The following TXNDC15 variants were observed in gnomAD, a reference collection of about 807,000 sequenced individuals.
TXNDC15 encodes the protein thioredoxin domain-containing protein 15.
A neutral mutation model predicts 35.0 loss-of-function variants in TXNDC15; 24 were observed. That is an observed-to-expected ratio of 0.68 (90% confidence interval 0.50 to 0.96). The LOEUF (loss-of-function observed/expected upper bound fraction) is 0.96, where lower values mean the gene tolerates loss of function less well. Ranked by LOEUF, TXNDC15 falls within the 40% of genes least tolerant of loss-of-function variation. TXNDC15 has a pLI of 0.00. For synonymous variants in TXNDC15, 169 were observed against 174.0 expected, an observed-to-expected ratio of 0.97 and a Z score of 0.23; for missense variants, 385 against 453.3, an observed-to-expected ratio of 0.85 and a Z score of 1.37.
At chr5:134,880,595 C>G (rs549958208) in intron 1 of TXNDC15, among the ~76,000 whole-genome samples, 6 of 151,936 alleles carry the variant, frequency 3.9e-5, no homozygotes, top group Non-Finnish European at 7.4e-5. Flanking sequence ...CGCTACCATG[C>G]CAGGCTAATT....
chr5:134,896,651 CTTTT>C (rs11438328), intron 4 of TXNDC15, among the ~76,000 whole-genome samples: 1 of 134,404 alleles, frequency 7.4e-6, no homozygotes, highest in Non-Finnish European at 1.6e-5. Flanking sequence ...TTTTTTTTCC[CTTTT>C]TTTTTTTTTT....
In TXNDC15 at chr5:134,887,971, G is replaced by A. The variant is rs1009012367; in HGVS notation, c.380G>A (p.Arg127Gln). The A allele has an allele frequency of 7.4e-6, 12 of 1,614,102 alleles. No individual in the cohort carries two copies. The highest frequency in any genetic ancestry group is 1.7e-5 in the Admixed American group (1 of 60,000). ...GCGGAGGACTCAAGGTGCAACGTCC[G>A]AGAGAGCCTTTTCTCTCTGGATGGC... ...GGAEDSRCNV[R>Q]ESLFSLDGAG... Residue 127 changes from arginine (R) to glutamine (Q), a missense_variant, in exon 2 of 5, where the codon CGA (arginine) becomes CAA (glutamine). Coordinates refer to ENST00000358387, the MANE Select transcript of TXNDC15 (RefSeq NM_024715.4).
intron 1 of TXNDC15, among the ~76,000 whole-genome samples, chr5:134,881,341 G>A (rs1368339479): frequency 9.0e-6 from 1 of 110,794 alleles, no homozygotes; most frequent in Non-Finnish European, 1.8e-5. Context: ...GCGGCCTTCC[G>A]CAGTGTTTGT....
Position 134,894,809 on chromosome 5 carries a change from G to T in TXNDC15, c.755+1154G>T, listed in dbSNP as rs187781435. 2.6e-5 allele frequency among the ~76,000 whole-genome samples: 4 copies of T among 152,240 alleles called. No individual in the cohort carries two copies. The South Asian group carries it at 8.3e-4, about 32-fold the overall frequency. The stretch of plus-strand genomic sequence containing the variant: ...AGGTCAGCCTCAACAAGGAGGTTGT[G>T]TGTAAATAAATCTAGAACATCTGAA... On this transcript the variant is annotated intron_variant, in intron 3 of 4. Transcript: ENST00000358387.
chr5:134,887,643 G>A (rs553370964), intron 1 of TXNDC15, 52 bp from the exon 2 acceptor site: 2 of 1,517,376 alleles, frequency 1.3e-6, no homozygotes, highest in South Asian at 1.3e-5. Flanking sequence ...ATTCTTTGGG[G>A]TTCATTTGTT....
chr5:134,897,357 C>G (rs180735060), intron 4 of TXNDC15, among the ~76,000 whole-genome samples: 1 of 152,234 alleles, frequency 6.6e-6, no homozygotes, highest in East Asian at 1.9e-4. Context: ...AAACGATTCT[C>G]CTGCCTCAGC....
intron 1 of TXNDC15, among the ~76,000 whole-genome samples, chr5:134,881,466 T>C (rs2150184730): frequency 1.1e-5 from 1 of 87,878 alleles, no homozygotes; most frequent in East Asian, 2.8e-4. Flanking sequence ...TAACCCTGAG[T>C]GGACACAGCA....
chr5:134,893,376 C>A, intron 2 of TXNDC15, 116 bp from the exon 3 acceptor site: 1 of 1,275,100 alleles, frequency 7.8e-7, no homozygotes, highest in Non-Finnish European at 1.1e-6. Context: ...CCTTCTCTCG[C>A]TGCTCCTACC....
At chr5:134,884,810 C>T (rs1335105647) in intron 1 of TXNDC15, among the ~76,000 whole-genome samples, 1 of 152,068 alleles carries the variant, frequency 6.6e-6, no homozygotes, top group Non-Finnish European at 1.5e-5. Flanking sequence ...TGATTATTCT[C>T]ATTATGTGTC....
intron 2 of TXNDC15, 71 bp downstream of exon 2, chr5:134,888,253 T>A: frequency 7.2e-7 from 1 of 1,391,634 alleles, no homozygotes; most frequent in Non-Finnish European, 9.8e-7. Flanking sequence ...CCTATCAACT[T>A]TGAAATGGAA....
At position 134,900,286 on chromosome 5, in the gene TXNDC15, G is replaced by A. The variant is rs1465216714; in HGVS notation, c.*601G>A. 6.6e-6 allele frequency: 1 copy of A among 152,282 alleles called. No homozygotes were observed. The highest frequency in any genetic ancestry group is 1.5e-5 in the Non-Finnish European group (1 of 68,100). 9.4% of individuals were successfully genotyped at this position (152,282 alleles called of 1,614,324 possible). ...AGGGAGATGTTAGGAGAAAGGAAAT[G>A]CTGTAACTAAAGCTCAATTATTATC... On this transcript the variant is annotated 3_prime_UTR_variant, in exon 5 of 5. Coordinates refer to ENST00000358387, the MANE Select transcript of TXNDC15 (RefSeq NM_024715.4).
At chr5:134,886,881 G>C (rs1465428944) in intron 1 of TXNDC15, among the ~76,000 whole-genome samples, 1 of 152,220 alleles carries the variant, frequency 6.6e-6, no homozygotes. Context: ...GAGCCTCTCT[G>C]TGCCTTGCCT....
chr5:134,891,016 C>G (rs893662952), intron 2 of TXNDC15, among the ~76,000 whole-genome samples: 1 of 152,244 alleles, frequency 6.6e-6, no homozygotes, highest in African/African-American at 2.4e-5. Context: ...TCAGTCCTAT[C>G]TTCAGACTCC....
At chr5:134,895,097 C>T (rs1750464374) in intron 3 of TXNDC15, among the ~76,000 whole-genome samples, 1 of 151,924 alleles carries the variant, frequency 6.6e-6, no homozygotes, top group Non-Finnish European at 1.5e-5. Context: ...GGAAGATTGC[C>T]TGAACCAGGG....
chr5:134,893,571 C>T lies in TXNDC15; in HGVS notation c.671C>T (p.Ala224Val). ...LFYTPWCRFS[A>V]SLAPHFNSLP... ...TACACCCCGTGGTGCCGCTTTTCTGCCAGTTTGGCCCCTCACTTTAACTCT... is the reference window on the plus strand; with the variant it reads ...TACACCCCGTGGTGCCGCTTTTCTGTCAGTTTGGCCCCTCACTTTAACTCT... Residue 224 changes from alanine to valine, a missense_variant, in exon 3 of 5, where the codon GCC (alanine) becomes GTC (valine). Transcript: ENST00000358387. The T allele has an allele frequency of 1.2e-6, 2 of 1,614,208 alleles. No individual in the cohort carries two copies. The highest frequency in any genetic ancestry group is 1.7e-6 in the Non-Finnish European group (2 of 1,180,036).
intron 1 of TXNDC15, among the ~76,000 whole-genome samples, chr5:134,883,391 C>G (rs1750200411): frequency 6.6e-6 from 1 of 151,888 alleles, no homozygotes; most frequent in Non-Finnish European, 1.5e-5. Flanking sequence ...CGTGCCACTG[C>G]ACTCCAGCCT....
chr5:134,877,318 T>C (rs997742975), intron 1 of TXNDC15, among the ~76,000 whole-genome samples: 4 of 152,104 alleles, frequency 2.6e-5, no homozygotes, highest in Admixed American at 2.0e-4. Flanking sequence ...AGAGGCCACA[T>C]TGGGGCCTGG....
At chr5:134,880,125 G>A (rs1408304421) in intron 1 of TXNDC15, among the ~76,000 whole-genome samples, 1 of 152,050 alleles carries the variant, frequency 6.6e-6, no homozygotes, top group Non-Finnish European at 1.5e-5. Context: ...TCAGCTTTGT[G>A]TATCCTCAGA....
chr5:134,897,051 C>T (rs770052318), intron 4 of TXNDC15, among the ~76,000 whole-genome samples: 1 of 152,082 alleles, frequency 6.6e-6, no homozygotes, highest in Non-Finnish European at 1.5e-5. Context: ...AAGTGATTTG[C>T]GTGCCTCAGC....
Sources: allele counts gnomAD v4.1 joint callset (sites outside exome capture counted in the v4.1 genomes callset), GRCh38; gene constraint gnomAD v4.1.1; transcripts MANE v1.5; gene names NCBI Gene and HGNC (gene_info 2026-07-23, HGNC 2026-07-21).